Variants in MEF2A observed in about 807,000 individuals in gnomAD.
MEF2A encodes the protein myocyte enhancer factor 2A.
MEF2A carries 28 observed loss-of-function variants against 55.8 expected under a neutral mutation model. The ratio of observed to expected loss-of-function variants is 0.50; its 90% CI spans 0.37 to 0.69. The LOEUF is 0.69. Ranked by LOEUF, MEF2A falls within the 30% of genes least tolerant of loss-of-function variation. The pLI, the probability that MEF2A is intolerant of heterozygous loss-of-function variation, is 0.00. For synonymous variants in MEF2A, 239 were observed against 227.1 expected (o/e 1.05, Z -0.47); for missense variants, 528 against 626.2 (o/e 0.84, Z 1.67).
At chr15:99,682,879 A>C (rs1213085242) in intron 7 of MEF2A, among the ~76,000 whole-genome samples, 3 of 152,262 alleles carry the variant, frequency 2.0e-5, no homozygotes, top group Non-Finnish European at 4.4e-5. Flanking sequence ...ATTTGAGTAT[A>C]AATCAAGTAA....
At chr15:99,658,545 G>A (rs1484101060) in intron 4 of MEF2A, among the ~76,000 whole-genome samples, 1 of 151,794 alleles carries the variant, frequency 6.6e-6, no homozygotes, top group African/African-American at 2.4e-5. Context: ...TTCTAGGATT[G>A]ATGAAAGCCC....
chr15:99,715,076 G>GTACT lies in MEF2A; in HGVS notation c.*2311_*2314dup, dbSNP rs1394117310. The GTACT allele has an allele frequency of 6.6e-6, 1 of 152,132 alleles. No homozygotes were observed. The highest frequency in any genetic ancestry group is 1.9e-4 in the East Asian group (1 of 5,192). The allele number at this position is 152,132 out of a possible 1,614,324, so 9.4% of individuals were successfully genotyped here. A position where few individuals can be genotyped will look rare whatever the true frequency, so the allele number is the denominator to read the frequency against. On this transcript the variant is annotated 3_prime_UTR_variant, in exon 12 of 12. Coordinates refer to ENST00000557942, the MANE Select transcript of MEF2A (RefSeq NM_001319206.4). Reference sequence around the variant, plus strand: ...TCAGAAAGGATTTTTCTTTAAAAATGTACTTACTTTACTGAACTACTTACA... The same window carrying GTACT: ...TCAGAAAGGATTTTTCTTTAAAAATGTACTTACTTACTTTACTGAACTACTTACA...
intron 7 of MEF2A, among the ~76,000 whole-genome samples, chr15:99,689,637 C>G (rs1273441568): frequency 6.6e-6 from 1 of 152,138 alleles, no homozygotes; most frequent in Non-Finnish European, 1.5e-5. Context: ...GGCGCCACCA[C>G]ATCCAGCTAA....
At chr15:99,640,104 C>T (rs989983225) in intron 3 of MEF2A, among the ~76,000 whole-genome samples, 32 of 151,960 alleles carry the variant, frequency 2.1e-4, no homozygotes, top group African/African-American at 6.3e-4. Flanking sequence ...TTAAATGTTC[C>T]GAATGGAGTT....
intron 1 of MEF2A, among the ~76,000 whole-genome samples, chr15:99,585,231 G>A (rs1966860936): frequency 6.6e-6 from 1 of 152,088 alleles, no homozygotes; most frequent in Non-Finnish European, 1.5e-5. Flanking sequence ...ATACAAAATT[G>A]TGTTCTGCCC....
chr15:99,705,345 A>G (rs901579784), intron 9 of MEF2A, among the ~76,000 whole-genome samples: 1 of 152,254 alleles, frequency 6.6e-6, no homozygotes, highest in African/African-American at 2.4e-5. Context: ...TCTTAGGACA[A>G]TAAGGATATT....
chr15:99,602,155 C>A (rs1973313886), intron 2 of MEF2A, among the ~76,000 whole-genome samples: 1 of 152,014 alleles, frequency 6.6e-6, no homozygotes, highest in African/African-American at 2.4e-5. Flanking sequence ...AGCTTTAGAG[C>A]AGGAATGAAA....
rs1453311613 is a variant in MEF2A at position 99,716,002 on chromosome 15, A to C, written c.*3231A>C. 1 of 154,174 alleles carries C rather than the reference A, an allele frequency of 6.5e-6. No homozygotes were observed. Among genetic ancestry groups the C allele is most frequent in the Non-Finnish European group, 1.4e-5 (1 of 69,338 alleles). 9.6% of individuals were successfully genotyped at this position (154,174 alleles called of 1,614,324 possible). A position where few individuals can be genotyped will look rare whatever the true frequency, so the allele number is the denominator to read the frequency against. ...ATGCATCAACATAATTTCTGTATTAACCATCATGCGCACAAGAAATACATA... is the reference window on the plus strand; with the variant it reads ...ATGCATCAACATAATTTCTGTATTACCCATCATGCGCACAAGAAATACATA... On this transcript the variant is annotated 3_prime_UTR_variant, in exon 12 of 12. Coordinates refer to ENST00000557942, the MANE Select transcript of MEF2A (RefSeq NM_001319206.4).
intron 1 of MEF2A, among the ~76,000 whole-genome samples, chr15:99,574,443 T>G (rs1596215697): frequency 6.6e-6 from 1 of 152,336 alleles, no homozygotes; most frequent in East Asian, 1.9e-4. Flanking sequence ...ATGAAATACT[T>G]ATACAACTCA....
chr15:99,663,877 T>C (rs1277372106), intron 4 of MEF2A, among the ~76,000 whole-genome samples: 1 of 152,198 alleles, frequency 6.6e-6, no homozygotes, highest in Non-Finnish European at 1.5e-5. Context: ...CCAAGAGGTT[T>C]AGTATATAAA....
intron 4 of MEF2A, among the ~76,000 whole-genome samples, chr15:99,671,073 G>A (rs186822941): frequency 6.6e-6 from 1 of 152,260 alleles, no homozygotes; most frequent in Non-Finnish European, 1.5e-5. Flanking sequence ...TTAGTATTTT[G>A]AGAAGTTTAG....
intron 4 of MEF2A, among the ~76,000 whole-genome samples, chr15:99,658,246 A>T (rs540274776): frequency 2.6e-4 from 40 of 152,328 alleles, no homozygotes; most frequent in Admixed American, 2.1e-3. Flanking sequence ...GACATAGCAG[A>T]GTTGAATGAA....
intron 7 of MEF2A, among the ~76,000 whole-genome samples, chr15:99,680,767 T>C (rs2053086758): frequency 6.6e-6 from 1 of 152,200 alleles, no homozygotes; most frequent in African/African-American, 2.4e-5. Context: ...AAAGAGATTA[T>C]AATACTTAAG....
intron 1 of MEF2A, among the ~76,000 whole-genome samples, chr15:99,590,984 A>G (rs747553916): frequency 6.6e-6 from 1 of 152,136 alleles, no homozygotes; most frequent in Non-Finnish European, 1.5e-5. Context: ...GAGCAGTTTT[A>G]GCTTTACAGA....
intron 10 of MEF2A, among the ~76,000 whole-genome samples, chr15:99,708,930 A>G (rs973474567): frequency 6.6e-5 from 10 of 152,198 alleles, no homozygotes; most frequent in African/African-American, 1.7e-4. Context: ...AATTGAGACT[A>G]GAGAGGTAAG....
In MEF2A at chr15:99,602,653, GGTGTGTGT is replaced by G. The variant is rs773502316; in HGVS notation, c.-143+4181_-143+4188del. 8.9e-3 allele frequency among the ~76,000 whole-genome samples: 400 copies of G among 44,844 alleles called. 8 individuals carry two copies. Among genetic ancestry groups the G allele is most frequent in the African/African-American group, 0.024 (339 of 14,194 alleles). 29.4% of individuals were successfully genotyped at this position (44,844 alleles called of 152,430 possible). On this transcript the variant is annotated intron_variant, in intron 2 of 11. Coordinates refer to ENST00000557942, the MANE Select transcript of MEF2A (RefSeq NM_001319206.4). The stretch of plus-strand genomic sequence containing the variant: ...CCTGGTGGTTGCCTGACATTCCTGG[GGTGTGTGT>G]GTGTGTGTGTGTGTGTGTGTGTGTG...
intron 1 of MEF2A, among the ~76,000 whole-genome samples, chr15:99,573,664 G>T (rs773980195): frequency 6.6e-6 from 1 of 152,168 alleles, no homozygotes; most frequent in Non-Finnish European, 1.5e-5. Flanking sequence ...CCAAGTTGAG[G>T]GGGGAACCTT....
chr15:99,688,608 T>C (rs2054753740), intron 7 of MEF2A, among the ~76,000 whole-genome samples: 1 of 151,982 alleles, frequency 6.6e-6, no homozygotes, highest in Non-Finnish European at 1.5e-5. Context: ...CCACAAAAAA[T>C]TAGCCGGGCG....
At chr15:99,624,603 G>A (rs947642577) in intron 2 of MEF2A, among the ~76,000 whole-genome samples, 20 of 152,146 alleles carry the variant, frequency 1.3e-4, no homozygotes, top group African/African-American at 4.8e-4. Context: ...TTGAAATCAG[G>A]TGTGAGTCCT....
Sources: allele counts gnomAD v4.1 joint callset (sites outside exome capture counted in the v4.1 genomes callset), GRCh38; gene constraint gnomAD v4.1.1; transcripts MANE v1.5; gene names NCBI Gene and HGNC (gene_info 2026-07-23, HGNC 2026-07-21).